Variants in PTPRM observed in about 807,000 individuals in gnomAD.
PTPRM encodes receptor-type tyrosine-protein phosphatase mu.
Under a neutral mutation model 186.7 loss-of-function variants are expected in PTPRM, and 47 were observed. That is an observed-to-expected ratio of 0.25 (90% CI 0.20 to 0.32). The LOEUF (loss-of-function observed/expected upper bound fraction) is 0.32, where lower values mean the gene tolerates loss of function less well. Ranked by LOEUF, PTPRM falls within the 10% of genes least tolerant of loss-of-function variation. The pLI is 1.00. For synonymous variants in PTPRM, 668 were observed against 674.9 expected (o/e 0.99, Z 0.16); for missense variants, 1,494 against 1,865.0 (o/e 0.80, Z 3.66).
intron 1 of PTPRM, among the ~76,000 whole-genome samples, chr18:7,753,572 A>G (rs2041328092): frequency 6.6e-6 from 1 of 152,160 alleles, no homozygotes; most frequent in Non-Finnish European, 1.5e-5. Context: ...AAGTGAGGTA[A>G]GTTAAGTCAA....
chr18:8,205,278 A>G (rs1178282841), intron 14 of PTPRM, among the ~76,000 whole-genome samples: 1 of 152,166 alleles, frequency 6.6e-6, no homozygotes, highest in Non-Finnish European at 1.5e-5. Flanking sequence ...AAATATATCA[A>G]GTTTAACAAT....
At chr18:8,272,063 A>C (rs2094778440) in intron 19 of PTPRM, among the ~76,000 whole-genome samples, 1 of 151,998 alleles carries the variant, frequency 6.6e-6, no homozygotes, top group Non-Finnish European at 1.5e-5. Flanking sequence ...AATACAAAAA[A>C]TTAGCTGGGC....
At chr18:8,010,814 C>A (rs2084484386) in intron 7 of PTPRM, among the ~76,000 whole-genome samples, 1 of 152,166 alleles carries the variant, frequency 6.6e-6, no homozygotes, top group South Asian at 2.1e-4. Context: ...ATTCTTTGAG[C>A]CAGATTCACT....
chr18:7,691,148 T>G (rs549976354), intron 1 of PTPRM, among the ~76,000 whole-genome samples: 1 of 152,178 alleles, frequency 6.6e-6, no homozygotes, highest in African/African-American at 2.4e-5. Context: ...TGCATTATTC[T>G]AACCAACTTC....
chr18:7,684,905 A>T (rs550085159), intron 1 of PTPRM, among the ~76,000 whole-genome samples: 1 of 152,194 alleles, frequency 6.6e-6, no homozygotes, highest in East Asian at 1.9e-4. Context: ...TCTGTTTTTA[A>T]TTTTTTTGAG....
At chr18:7,698,410 A>G (rs2039889087) in intron 1 of PTPRM, among the ~76,000 whole-genome samples, 1 of 152,218 alleles carries the variant, frequency 6.6e-6, no homozygotes, top group Non-Finnish European at 1.5e-5. Context: ...ACGTAGTTCA[A>G]TTTAGTAAAC....
At chr18:8,314,510 T>G (rs532779942) in intron 20 of PTPRM, among the ~76,000 whole-genome samples, 23 of 152,364 alleles carry the variant, frequency 1.5e-4, no homozygotes, top group African/African-American at 5.5e-4. Context: ...CAGGATTGTA[T>G]GTAAAAGTGT....
intron 19 of PTPRM, among the ~76,000 whole-genome samples, chr18:8,287,106 A>G (rs1218146038): frequency 2.0e-5 from 3 of 152,180 alleles, no homozygotes; most frequent in Admixed American, 6.5e-5. Flanking sequence ...TTAAAAAAAA[A>G]AGAGAAAAGA....
intron 19 of PTPRM, among the ~76,000 whole-genome samples, chr18:8,291,159 C>G (rs959740320): frequency 2.0e-5 from 3 of 152,104 alleles, no homozygotes; most frequent in Non-Finnish European, 4.4e-5. Context: ...CATTGGGCCT[C>G]TTGTTCAAAA....
Position 7,995,210 on chromosome 18 carries a change from A to G in PTPRM, c.1132+39796A>G, listed in dbSNP as rs562784660. Among the ~76,000 whole-genome samples the G allele has an allele frequency of 2.0e-5, 3 of 152,274 alleles. No individual in the cohort carries two copies. In the East Asian group the frequency reaches 5.8e-4, roughly 29 times the overall value. On this transcript the variant is annotated intron_variant, in intron 7 of 32. Transcript: ENST00000580170. ...ACAGATTCCTGGACACATATAATCA[A>G]CCAAGATAGAATGAGGAAGAAATAG...
chr18:7,724,504 G>T (rs1335870793), intron 1 of PTPRM, among the ~76,000 whole-genome samples: 2 of 152,146 alleles, frequency 1.3e-5, no homozygotes, highest in African/African-American at 4.8e-5. Context: ...ACACCTGTAG[G>T]TTGCTGGTAC....
At chr18:8,305,079 G>A (rs1369070181) in intron 20 of PTPRM, among the ~76,000 whole-genome samples, 1 of 152,114 alleles carries the variant, frequency 6.6e-6, no homozygotes, top group Non-Finnish European at 1.5e-5. Context: ...CTGCCTTGTA[G>A]CCTGCTCTTC....
At chr18:8,316,698 T>C (rs1383352920) in intron 21 of PTPRM, among the ~76,000 whole-genome samples, 4 of 152,164 alleles carry the variant, frequency 2.6e-5, no homozygotes, top group African/African-American at 9.7e-5. Context: ...ATTAAAAAGT[T>C]AATTCTGTAT....
chr18:7,904,017 A>AT (rs1229282538), intron 3 of PTPRM, among the ~76,000 whole-genome samples: 2 of 151,958 alleles, frequency 1.3e-5, no homozygotes, highest in African/African-American at 2.4e-5. Context: ...TAAAGATTTC[A>AT]TTTTTTTTGA....
rs1012428536 is a variant in PTPRM at position 7,919,625 on chromosome 18, G to A, written c.548-6943G>A. On this transcript the variant is annotated intron_variant, in intron 4 of 32. Transcript: ENST00000580170. ...TAAATTTGTTGAGACCTGTTTTCTG[G>A]CCTAAGATATGTTCTGTTCTGGATA... Among the ~76,000 whole-genome samples the A allele has an allele frequency of 2.6e-5, 4 of 152,058 alleles. No individual in the cohort carries two copies. The South Asian group carries it at 8.3e-4, about 32-fold the overall frequency.
At chr18:7,811,127 GT>G (rs2145480900) in intron 2 of PTPRM, among the ~76,000 whole-genome samples, 1 of 152,256 alleles carries the variant, frequency 6.6e-6, no homozygotes, top group African/African-American at 2.4e-5. Flanking sequence ...AATCAATAAG[GT>G]TTCATGGAAC....
At chr18:7,603,403 G>T (rs569638586) in intron 1 of PTPRM, among the ~76,000 whole-genome samples, 2 of 152,296 alleles carry the variant, frequency 1.3e-5, no homozygotes, top group East Asian at 1.9e-4. Flanking sequence ...GTTTGATTTG[G>T]ATGTTAAGCT....
intron 11 of PTPRM, among the ~76,000 whole-genome samples, chr18:8,103,328 A>AT (rs1226329027): frequency 6.6e-6 from 1 of 152,262 alleles, no homozygotes; most frequent in Non-Finnish European, 1.5e-5. Flanking sequence ...AGGCCATTTC[A>AT]TCTACATTGA....
chr18:7,602,959 A>T (rs572548571), intron 1 of PTPRM, among the ~76,000 whole-genome samples: 1 of 146,520 alleles, frequency 6.8e-6, no homozygotes, highest in East Asian at 2.0e-4. Context: ...GCGGAGTCTC[A>T]CTCTCTCGCC....
Sources: allele counts gnomAD v4.1 joint callset (sites outside exome capture counted in the v4.1 genomes callset), GRCh38; gene constraint gnomAD v4.1.1; transcripts MANE v1.5; gene names NCBI Gene and HGNC (gene_info 2026-07-23, HGNC 2026-07-21).